ASIC5: variants seen among roughly 807,000 people sequenced by gnomAD.
ASIC5 encodes the protein bile acid-sensitive ion channel.
A neutral mutation model predicts 51.2 loss-of-function variants in ASIC5; 52 were observed. The ratio of observed to expected loss-of-function variants is 1.02; its 90% CI spans 0.81 to 1.28. ASIC5 has a LOEUF of 1.28. Ranked by LOEUF, ASIC5 falls within the 50% of genes most tolerant of loss-of-function variation. The pLI is 0.00. For synonymous variants in ASIC5, 231 were observed against 200.7 expected (o/e 1.15, Z -1.28); for missense variants, 635 against 595.0 (o/e 1.07, Z -0.70).
At chr4:155,862,433 A>C (rs1377843746) in intron 2 of ASIC5, among the ~76,000 whole-genome samples, 2 of 152,118 alleles carry the variant, frequency 1.3e-5, no homozygotes, top group African/African-American at 4.8e-5. Context: ...AAATATGAAA[A>C]TTAACACTAA....
intron 7 of ASIC5, among the ~76,000 whole-genome samples, chr4:155,837,316 C>T (rs1057293091): frequency 3.3e-5 from 5 of 152,150 alleles, no homozygotes; most frequent in African/African-American, 1.2e-4. Context: ...AAGAAATGTG[C>T]TCCTGAGTAT....
Position 155,854,143 on chromosome 4 carries a change from T to A in ASIC5, c.519A>T (p.Lys173Asn). 6.2e-7 allele frequency: 1 copy of A among 1,613,448 alleles called. No individual in the cohort carries two copies. The highest frequency in any genetic ancestry group is 2.2e-5 in the East Asian group (1 of 44,828). Residue 173 changes from lysine to asparagine, a missense_variant, in exon 3 of 10, where the codon AAA (lysine) becomes AAT (asparagine). Lys to Asn is a moderately conservative substitution (Grantham distance 94). Transcript: ENST00000537611. ...AAGTGCTATTGTTGAGATAAAAACC[T>A]TTGTTCCTGATAAATTCCACAATGC... The part of the protein sequence containing the change: ...NFSIVEFIRN[K>N]GFYLNNSTLL...
At chr4:155,848,462 T>G (rs72956430) in intron 4 of ASIC5, among the ~76,000 whole-genome samples, 72 of 152,136 alleles carry the variant, frequency 4.7e-4, no homozygotes, top group African/African-American at 1.7e-3. Context: ...TATTGGTAAG[T>G]GTTCCAGAAT....
In ASIC5 at chr4:155,831,859, T is replaced by C; in HGVS notation, c.1292A>G (p.Gln431Arg). Residue 431 changes from glutamine (Q) to arginine (R), a missense_variant, in exon 9 of 10, where the codon CAG becomes CGG. Coordinates refer to ENST00000537611, the MANE Select transcript of ASIC5 (RefSeq NM_017419.3). ...NYSDLNYKIT[Q>R]QQKAVSVSEL... Reference sequence around the variant, plus strand: ...AGACACACTCACCGCCTTTTGCTGCTGGGTTATCTTATAGTTTAGGTCACT... The same window carrying C: ...AGACACACTCACCGCCTTTTGCTGCCGGGTTATCTTATAGTTTAGGTCACT... 1 of 1,609,228 alleles carries C rather than the reference T, an allele frequency of 6.2e-7. No homozygotes were observed. The highest frequency in any genetic ancestry group is 8.5e-7 in the Non-Finnish European group (1 of 1,175,954).
intron 5 of ASIC5, among the ~76,000 whole-genome samples, chr4:155,843,132 G>T (rs1325728900): frequency 1.3e-5 from 2 of 152,142 alleles, no homozygotes; most frequent in African/African-American, 4.8e-5. Flanking sequence ...TGAAGGCAGG[G>T]TTTCACCAGG....
rs1560740792 is a variant in ASIC5, at chr4:155,836,690, T to A, written c.1234A>T (p.Arg412Trp). The A allele has an allele frequency of 5.0e-6, 8 of 1,597,788 alleles. No homozygotes were observed. The highest frequency in any genetic ancestry group is 6.9e-6 in the Non-Finnish European group (8 of 1,167,650). ...KKLNQSRKYIRENLVKIEINY... is the reference protein window; with the variant it reads ...KKLNQSRKYIWENLVKIEINY... The stretch of plus-strand genomic sequence containing the variant: ...AATTTAAAAGGCTAGTAAGGTTACC[T>A]GATGTATTTCCGGCTTTGATTCAAC... Residue 412 changes from arginine (R) to tryptophan (W), a missense_variant and splice_region_variant, in exon 8 of 10, where the codon AGG becomes TGG. Transcript: ENST00000537611.
intron 8 of ASIC5, among the ~76,000 whole-genome samples, chr4:155,832,949 A>C (rs1225614273): frequency 1.3e-5 from 2 of 152,082 alleles, no homozygotes; most frequent in African/African-American, 4.8e-5. Flanking sequence ...CACAACCCTG[A>C]GAACAACCCT....
chr4:155,857,242 GC>G (rs1211772621), intron 2 of ASIC5, among the ~76,000 whole-genome samples: 2 of 152,024 alleles, frequency 1.3e-5, no homozygotes, highest in Middle Eastern at 3.4e-3. Context: ...TCCCACTTCA[GC>G]CCCCCACATA....
chr4:155,861,935 G>C (rs182888489), intron 2 of ASIC5, among the ~76,000 whole-genome samples: 1 of 151,954 alleles, frequency 6.6e-6, no homozygotes, highest in Non-Finnish European at 1.5e-5. Flanking sequence ...TTTAAAATAT[G>C]ATCATTCTGA....
rs369356860 is a variant in ASIC5, at chr4:155,866,017, T to A, written c.40+170A>T. On this transcript the variant is annotated intron_variant, in intron 1 of 9. Coordinates refer to ENST00000537611, the MANE Select transcript of ASIC5 (RefSeq NM_017419.3). ...TTTTTGAGTCCCTCATACAAATAAC[T>A]TTTTTTCTAAGTAAAACTATTCATT... 8.5e-5 allele frequency among the ~76,000 whole-genome samples: 13 copies of A among 152,316 alleles called. No homozygotes were observed. The South Asian group carries it at 2.5e-3, about 29-fold the overall frequency.
intron 9 of ASIC5, 53 bp from the exon 10 acceptor site, chr4:155,830,099 T>C: frequency 1.5e-6 from 2 of 1,298,850 alleles, no homozygotes; most frequent in Non-Finnish European, 2.1e-6. Flanking sequence ...AAAAAACAAA[T>C]ATTATTAGAA....
chr4:155,847,047 T>A (rs1281607229), intron 4 of ASIC5, among the ~76,000 whole-genome samples: 1 of 152,034 alleles, frequency 6.6e-6, no homozygotes, highest in Non-Finnish European at 1.5e-5. Flanking sequence ...AATTTAGTCC[T>A]AAAATAAAAT....
intron 7 of ASIC5, among the ~76,000 whole-genome samples, chr4:155,837,704 A>G (rs1741017988): frequency 1.3e-5 from 2 of 152,064 alleles, no homozygotes; most frequent in African/African-American, 4.8e-5. Flanking sequence ...CTAGTTCTTT[A>G]GCATTGCTGG....
chr4:155,849,556 A>C (rs1741331313), intron 4 of ASIC5, among the ~76,000 whole-genome samples: 1 of 152,092 alleles, frequency 6.6e-6, no homozygotes, highest in South Asian at 2.1e-4. Context: ...AGTTAGGATT[A>C]GAGAAGAGAG....
At chr4:155,847,871 C>T (rs1486402281) in intron 4 of ASIC5, among the ~76,000 whole-genome samples, 2 of 151,986 alleles carry the variant, frequency 1.3e-5, no homozygotes, top group Non-Finnish European at 2.9e-5. Context: ...AAAATAAGTT[C>T]AGTTTCTCTA....
At position 155,830,037 on chromosome 4, in the gene ASIC5, C is replaced by T. The variant is rs758622649; in HGVS notation, c.1337G>A (p.Gly446Asp). 2.5e-5 allele frequency: 38 copies of T among 1,542,120 alleles called. No homozygotes were observed. Among genetic ancestry groups the T allele is most frequent in the Non-Finnish European group, 3.1e-5 (36 of 1,147,090 alleles). Residue 446 changes from glycine (G) to aspartate (D), a missense_variant, in exon 10 of 10, where the codon GGT becomes GAT. Physicochemically the swap from Gly to Asp is moderately conservative, Grantham distance 94 (BLOSUM62 -1). Transcript: ENST00000537611. Reference sequence around the variant, plus strand: ...CCCACAAAATAGACCCAGCTGACCACCAAGATCTGCTGTAATAAAACCAAT... The same window carrying T: ...CCCACAAAATAGACCCAGCTGACCATCAAGATCTGCTGTAATAAAACCAAT... The part of the protein sequence containing the change: ...VSVSELLADL[G>D]GQLGLFCGAS...
chr4:155,845,796 C>T (rs1741227390), intron 4 of ASIC5, among the ~76,000 whole-genome samples: 1 of 151,988 alleles, frequency 6.6e-6, no homozygotes. Context: ...TCTCTCTGTA[C>T]CTTATGATAT....
At chr4:155,849,267 C>T (rs1472371310) in intron 4 of ASIC5, among the ~76,000 whole-genome samples, 1 of 151,984 alleles carries the variant, frequency 6.6e-6, no homozygotes, top group East Asian at 1.9e-4. Flanking sequence ...CCAGAAGCTC[C>T]AAGTTTATCT....
chr4:155,866,006 A>G lies in ASIC5; in HGVS notation c.40+181T>C, dbSNP rs533589608. ...TTTTAAAACTATTTTTGAGTCCCTC[A>G]TACAAATAACTTTTTTTCTAAGTAA... On this transcript the variant is annotated intron_variant, in intron 1 of 9. Transcript: ENST00000537611. Among the ~76,000 whole-genome samples the G allele has an allele frequency of 2.6e-5, 4 of 152,340 alleles. No individual in the cohort carries two copies. In the South Asian group the frequency reaches 8.3e-4, roughly 32 times the overall value.
Sources: allele counts gnomAD v4.1 joint callset (sites outside exome capture counted in the v4.1 genomes callset), GRCh38; gene constraint gnomAD v4.1.1; transcripts MANE v1.5; gene names NCBI Gene and HGNC (gene_info 2026-07-23, HGNC 2026-07-21).